The following SNTG1 variants were observed in gnomAD, a reference collection of about 807,000 sequenced individuals.
The protein encoded by SNTG1 is syntrophin gamma 1.
A neutral mutation model predicts 74.7 loss-of-function variants in SNTG1; 39 were observed. The ratio of observed to expected loss-of-function variants is 0.52; its 90% CI spans 0.40 to 0.68. The LOEUF (loss-of-function observed/expected upper bound fraction) is 0.68. SNTG1 is among the 30% of genes least tolerant of loss of function. The pLI is 0.00. For missense variants in SNTG1, 685 were observed against 609.5 expected, an observed-to-expected ratio of 1.12 and a Z score of -1.30; for synonymous variants, 254 against 217.1, an observed-to-expected ratio of 1.17 and a Z score of -1.49.
At chr8:49,919,531 G>T (rs549012971) in intron 1 of SNTG1, among the ~76,000 whole-genome samples, 1 of 152,192 alleles carries the variant, frequency 6.6e-6, no homozygotes, top group Admixed American at 6.5e-5. Context: ...GGGCTCATTG[G>T]CTTGTTGTTT....
At chr8:50,019,310 G>A (rs139041714) in intron 1 of SNTG1, among the ~76,000 whole-genome samples, 1 of 152,116 alleles carries the variant, frequency 6.6e-6, no homozygotes, top group African/African-American at 2.4e-5. Context: ...CTTTTACTTG[G>A]TAAGACGTTC....
chr8:50,590,317 A>G (rs1382404392), intron 12 of SNTG1, among the ~76,000 whole-genome samples: 3 of 152,082 alleles, frequency 2.0e-5, no homozygotes, highest in African/African-American at 7.2e-5. Context: ...AGGTTTTTAA[A>G]GTTTGTTTCC....
At chr8:50,011,952 C>T (rs187082645) in intron 1 of SNTG1, 2 of 152,108 alleles carry the variant, frequency 1.3e-5, no homozygotes, top group African/African-American at 4.8e-5. Context: ...AATGCTATCA[C>T]CTTTTTTTCC....
intron 13 of SNTG1, among the ~76,000 whole-genome samples, chr8:50,607,694 A>G (rs1036296029): frequency 6.6e-6 from 1 of 150,432 alleles, no homozygotes; most frequent in East Asian, 2.0e-4. Context: ...TTCTTTCTTT[A>G]TTTTTTACTG....
intron 2 of SNTG1, among the ~76,000 whole-genome samples, chr8:50,393,850 GTTTC>G (rs2092693547): frequency 6.6e-6 from 1 of 152,114 alleles, no homozygotes; most frequent in African/African-American, 2.4e-5. Context: ...TCTTTTTGAA[GTTTC>G]TTTCTCAATT....
intron 1 of SNTG1, among the ~76,000 whole-genome samples, chr8:49,981,602 T>A (rs1812686043): frequency 6.6e-6 from 1 of 152,250 alleles, no homozygotes; most frequent in South Asian, 2.1e-4. Context: ...CTATGAAATG[T>A]GACTTTAGGA....
intron 13 of SNTG1, among the ~76,000 whole-genome samples, chr8:50,600,852 C>CTGTT (rs1375536088): frequency 1.3e-5 from 2 of 150,020 alleles, no homozygotes; most frequent in Admixed American, 1.3e-4. Context: ...GTTTGGTTTG[C>CTGTT]TGTTGCTTGT....
At chr8:50,717,028 G>A (rs2095476828) in intron 17 of SNTG1, among the ~76,000 whole-genome samples, 1 of 152,084 alleles carries the variant, frequency 6.6e-6, no homozygotes, top group African/African-American at 2.4e-5. Flanking sequence ...GAGCCACCGC[G>A]CCCAGCTCTT....
intron 8 of SNTG1, among the ~76,000 whole-genome samples, chr8:50,494,684 T>C (rs1000476769): frequency 6.6e-6 from 1 of 152,092 alleles, no homozygotes; most frequent in Admixed American, 6.5e-5. Context: ...AGTGTTTCCA[T>C]AGCCACGTGA....
intron 17 of SNTG1, among the ~76,000 whole-genome samples, chr8:50,716,077 TCATGTACACA>T (rs1251364291): frequency 6.6e-6 from 1 of 152,156 alleles, no homozygotes; most frequent in Non-Finnish European, 1.5e-5. Context: ...TGTATGACCC[TCATGTACACA>T]CATGTGCACA....
intron 11 of SNTG1, among the ~76,000 whole-genome samples, chr8:50,544,962 A>G (rs1441137114): frequency 1.3e-5 from 2 of 152,010 alleles, no homozygotes; most frequent in African/African-American, 4.8e-5. Context: ...ATATGTATAT[A>G]TGAATGTAAT....
At chr8:50,647,699 T>C (rs1048612225) in intron 13 of SNTG1, among the ~76,000 whole-genome samples, 11 of 152,210 alleles carry the variant, frequency 7.2e-5, no homozygotes, top group Non-Finnish European at 1.3e-4. Context: ...TAATACAAGC[T>C]TCACATATGG....
chr8:49,942,748 G>A (rs984911459), intron 1 of SNTG1, among the ~76,000 whole-genome samples: 1 of 152,138 alleles, frequency 6.6e-6, no homozygotes, highest in Non-Finnish European at 1.5e-5. Context: ...TGTGATTTGA[G>A]GTGGAAGACC....
At chr8:50,573,914 G>GA (rs560302820) in intron 12 of SNTG1, among the ~76,000 whole-genome samples, 37 of 151,404 alleles carry the variant, frequency 2.4e-4, no homozygotes, top group Middle Eastern at 3.5e-3. Context: ...ATTCCTGTAG[G>GA]AAAAAAAATA....
chr8:50,133,085 C>G (rs985899965), intron 1 of SNTG1, among the ~76,000 whole-genome samples: 1 of 152,102 alleles, frequency 6.6e-6, no homozygotes, highest in Non-Finnish European at 1.5e-5. Flanking sequence ...TCACATTTTA[C>G]TATAAGAAGC....
At chr8:49,996,635 C>G (rs1814248311) in intron 1 of SNTG1, among the ~76,000 whole-genome samples, 1 of 151,968 alleles carries the variant, frequency 6.6e-6, no homozygotes. Flanking sequence ...ATTGCCAGTC[C>G]AAATGTTTAT....
chr8:50,014,953 T>C (rs953416650), intron 1 of SNTG1, among the ~76,000 whole-genome samples: 4 of 151,188 alleles, frequency 2.6e-5, no homozygotes, highest in African/African-American at 7.3e-5. Flanking sequence ...ATCTAAATTG[T>C]CCAGTTTTCA....
At chr8:50,503,913 A>G (rs2093984741) in intron 9 of SNTG1, among the ~76,000 whole-genome samples, 1 of 152,178 alleles carries the variant, frequency 6.6e-6, no homozygotes, top group Admixed American at 6.5e-5. Flanking sequence ...AACTTTTGTC[A>G]TGGGGGTTCG....
intron 1 of SNTG1, among the ~76,000 whole-genome samples, chr8:50,024,569 G>T (rs1301064270): frequency 6.6e-6 from 1 of 152,104 alleles, no homozygotes; most frequent in East Asian, 1.9e-4. Context: ...TCCAGTGGGT[G>T]CCTGAAACCT....
Sources: allele counts gnomAD v4.1 joint callset (sites outside exome capture counted in the v4.1 genomes callset), GRCh38; gene constraint gnomAD v4.1.1; transcripts MANE v1.5; gene names NCBI Gene and HGNC (gene_info 2026-07-23, HGNC 2026-07-21).